The following GALNTL6 variants were observed in gnomAD, a reference collection of about 807,000 sequenced individuals.
The protein encoded by GALNTL6 is polypeptide N-acetylgalactosaminyltransferase-like 6.
A neutral mutation model predicts 73.7 loss-of-function variants in GALNTL6; 46 were observed. The ratio of observed to expected loss-of-function variants is 0.62; its 90% CI spans 0.49 to 0.80. The LOEUF (loss-of-function observed/expected upper bound fraction) is 0.80. Ranked by LOEUF, GALNTL6 falls within the 30% of genes least tolerant of loss-of-function variation. The pLI is 0.00. For synonymous variants in GALNTL6, 259 were observed against 263.7 expected, an observed-to-expected ratio of 0.98 and a Z score of 0.17; for missense variants, 604 against 755.0, an observed-to-expected ratio of 0.80 and a Z score of 2.34.
At chr4:172,147,568 G>A (rs1369408290) in intron 2 of GALNTL6, among the ~76,000 whole-genome samples, 1 of 152,126 alleles carries the variant, frequency 6.6e-6, no homozygotes, top group Non-Finnish European at 1.5e-5. Flanking sequence ...TCCCTGAGAG[G>A]TGCCAATTCT....
intron 2 of GALNTL6, among the ~76,000 whole-genome samples, chr4:172,195,973 C>A (rs1735751260): frequency 6.9e-6 from 1 of 144,858 alleles, no homozygotes; most frequent in African/African-American, 2.5e-5. Flanking sequence ...ACACAAAAAA[C>A]CTTTCAAAAA....
At chr4:172,228,531 A>G (rs1160028256) in intron 2 of GALNTL6, among the ~76,000 whole-genome samples, 1 of 152,140 alleles carries the variant, frequency 6.6e-6, no homozygotes, top group East Asian at 1.9e-4. Flanking sequence ...TCAAAAGCAT[A>G]ATGGCTGTAT....
chr4:171,846,335 T>C (rs1275264178), intron 2 of GALNTL6, among the ~76,000 whole-genome samples: 1 of 152,162 alleles, frequency 6.6e-6, no homozygotes, highest in Non-Finnish European at 1.5e-5. Context: ...CTGTTCCCCA[T>C]GTAAGGCAGA....
intron 2 of GALNTL6, among the ~76,000 whole-genome samples, chr4:171,982,446 C>T (rs994896391): frequency 1.1e-4 from 17 of 152,108 alleles, no homozygotes; most frequent in African/African-American, 2.4e-4. Flanking sequence ...TACAGGCGCC[C>T]GCCACCACGC....
chr4:172,415,072 CT>C (rs1344777990), intron 5 of GALNTL6, among the ~76,000 whole-genome samples: 1 of 152,042 alleles, frequency 6.6e-6, no homozygotes, highest in Non-Finnish European at 1.5e-5. Context: ...CCTTTGCTTG[CT>C]ATTAAGTTTC....
intron 5 of GALNTL6, among the ~76,000 whole-genome samples, chr4:172,733,518 T>C (rs1476488920): frequency 6.6e-6 from 1 of 152,152 alleles, no homozygotes; most frequent in African/African-American, 2.4e-5. Flanking sequence ...TCGTCTTGAA[T>C]TGTAGCTCCC....
At chr4:172,831,178 A>AAAAAAC (rs1742615763) in intron 7 of GALNTL6, among the ~76,000 whole-genome samples, 1 of 147,932 alleles carries the variant, frequency 6.8e-6, no homozygotes, top group Non-Finnish European at 1.5e-5. Flanking sequence ...AAAAAAAAAA[A>AAAAAAC]AAAAAAAAAA....
At position 172,072,948 on chromosome 4, in the gene GALNTL6, T is replaced by C. The variant is rs538184789; in HGVS notation, c.139-156708T>C. On this transcript the variant is annotated intron_variant, in intron 2 of 12. Coordinates refer to ENST00000506823, the MANE Select transcript of GALNTL6 (RefSeq NM_001034845.3). ...TCACATGATAAATCATGATCCTTCA[T>C]ATGTGGCCTACAAGACCCAACGTGA... 2.0e-5 allele frequency among the ~76,000 whole-genome samples: 3 copies of C among 152,306 alleles called. No individual in the cohort carries two copies. In the East Asian group the frequency reaches 5.8e-4, roughly 29 times the overall value.
intron 7 of GALNTL6, among the ~76,000 whole-genome samples, chr4:172,843,152 C>T (rs1360373670): frequency 6.6e-6 from 1 of 152,152 alleles, no homozygotes; most frequent in Non-Finnish European, 1.5e-5. Context: ...AAGGGCACTT[C>T]ATTTTCACTT....
At chr4:171,814,850 C>T (rs1734480826) in intron 2 of GALNTL6, 132 bp downstream of exon 2, 3 of 825,234 alleles carry the variant, frequency 3.6e-6, no homozygotes, top group East Asian at 5.2e-5. Flanking sequence ...TATTACAAGA[C>T]TCTAGAGACT....
intron 5 of GALNTL6, among the ~76,000 whole-genome samples, chr4:172,641,067 T>C (rs781248987): frequency 3.3e-5 from 5 of 152,032 alleles, no homozygotes; most frequent in Non-Finnish European, 7.4e-5. Context: ...TCACATACAA[T>C]CCACTAGAAA....
chr4:173,029,221 C>A (rs1753357033), intron 12 of GALNTL6, among the ~76,000 whole-genome samples: 1 of 152,196 alleles, frequency 6.6e-6, no homozygotes, highest in South Asian at 2.1e-4. Flanking sequence ...GACATGTGGT[C>A]AGAGGTTGGG....
intron 2 of GALNTL6, among the ~76,000 whole-genome samples, chr4:171,887,206 C>G (rs938624801): frequency 2.0e-5 from 3 of 152,138 alleles, no homozygotes; most frequent in African/African-American, 7.2e-5. Flanking sequence ...GGGAGGAACT[C>G]TCATGACCTC....
chr4:172,210,615 G>C (rs550042791), intron 2 of GALNTL6, among the ~76,000 whole-genome samples: 16 of 152,088 alleles, frequency 1.1e-4, no homozygotes, highest in Non-Finnish European at 2.2e-4. Flanking sequence ...ATCATATCCA[G>C]GGTATATAAT....
chr4:172,259,505 A>G (rs1738186701), intron 3 of GALNTL6, among the ~76,000 whole-genome samples: 1 of 148,554 alleles, frequency 6.7e-6, no homozygotes. Flanking sequence ...GATTCTGGAT[A>G]TTAGTCCTTT....
intron 2 of GALNTL6, among the ~76,000 whole-genome samples, chr4:172,057,723 A>ATTAT (rs1448728102): frequency 8.3e-5 from 5 of 59,958 alleles, no homozygotes; most frequent in African/African-American, 1.2e-4. Flanking sequence ...AAAAAAAAAA[A>ATTAT]AAAAATATAT....
chr4:172,161,865 G>A (rs1020843853), intron 2 of GALNTL6, among the ~76,000 whole-genome samples: 1 of 151,870 alleles, frequency 6.6e-6, no homozygotes, highest in African/African-American at 2.4e-5. Flanking sequence ...AAAGATTGAG[G>A]CAAAGATGTT....
intron 5 of GALNTL6, among the ~76,000 whole-genome samples, chr4:172,425,821 A>C (rs1168296062): frequency 1.3e-5 from 2 of 152,242 alleles, no homozygotes; most frequent in East Asian, 3.9e-4. Flanking sequence ...TCTACTGAGA[A>C]ATAATTCTAG....
chr4:172,085,383 T>G (rs1732000908), intron 2 of GALNTL6, among the ~76,000 whole-genome samples: 1 of 152,112 alleles, frequency 6.6e-6, no homozygotes, highest in South Asian at 2.1e-4. Context: ...GTTTCCATTA[T>G]GTGATTAAAA....
Sources: gnomAD v4.1 joint callset for allele counts (sites outside exome capture counted in the v4.1 genomes callset) on GRCh38, gnomAD v4.1.1 for gene constraint, MANE v1.5 for transcripts, NCBI Gene and HGNC (gene_info 2026-07-23, HGNC 2026-07-21) for gene names.